The following IQCF1 variants were observed in gnomAD, a reference collection of about 807,000 sequenced individuals.
IQCF1 encodes IQ domain-containing protein F1.
IQCF1 carries 9 observed loss-of-function variants against 12.5 expected under a neutral mutation model. The observed-to-expected ratio is 0.72, with a 90% confidence interval of 0.43 to 1.26. IQCF1 has a LOEUF of 1.26. Among genes scored for constraint, IQCF1 ranks in the 50% most tolerant of loss-of-function variants. IQCF1 has a pLI of 0.00. For synonymous variants in IQCF1, 67 were observed against 96.2 expected (o/e 0.70, Z 1.78); for missense variants, 252 against 257.4 (o/e 0.98, Z 0.14).
chr3:51,896,711 A>ATG, intron 3 of IQCF1, 121 bp downstream of exon 3: 1 of 700,838 alleles, frequency 1.4e-6, no homozygotes, highest in Non-Finnish European at 2.6e-6. Flanking sequence ...ACACACACAC[A>ATG]CGCACACACA....
chr3:51,902,302 A>T (rs552581512), intron 2 of IQCF1, among the ~76,000 whole-genome samples: 1 of 152,366 alleles, frequency 6.6e-6, no homozygotes, highest in African/African-American at 2.4e-5. Context: ...AAAATCAAGC[A>T]GAACATCTAA....
At chr3:51,897,691 A>G (rs1396002570) in intron 2 of IQCF1, among the ~76,000 whole-genome samples, 1 of 152,226 alleles carries the variant, frequency 6.6e-6, no homozygotes, top group Non-Finnish European at 1.5e-5. Flanking sequence ...GGGAGCCGAT[A>G]AAGTACTTCC....
In IQCF1 at chr3:51,903,091, T is replaced by A. The variant is rs1221241213; in HGVS notation, c.4-2A>T. ...CGTCTTTTGGGGCTGCTTCTCCTCC[T>A]GCAATCAGCATTAGGGGAAAGGCAA... On this transcript the variant is annotated splice_acceptor_variant, in intron 1 of 3. Coordinates refer to ENST00000310914, the MANE Select transcript of IQCF1 (RefSeq NM_152397.3). LOFTEE classifies it high-confidence loss of function. 1 of 1,613,824 alleles carries A rather than the reference T, an allele frequency of 6.2e-7. No homozygotes were observed. The highest frequency in any genetic ancestry group is 8.5e-7 in the Non-Finnish European group (1 of 1,179,820).
intron 2 of IQCF1, among the ~76,000 whole-genome samples, chr3:51,898,915 T>G (rs1699044720): frequency 6.6e-6 from 1 of 152,228 alleles, no homozygotes; most frequent in African/African-American, 2.4e-5. Context: ...TGCTCAAACC[T>G]GCAAGCTGTT....
At chr3:51,898,316 TA>T (rs1699035942) in intron 2 of IQCF1, among the ~76,000 whole-genome samples, 1 of 152,128 alleles carries the variant, frequency 6.6e-6, no homozygotes, top group Non-Finnish European at 1.5e-5. Flanking sequence ...CCTCTTCCTT[TA>T]AAAGTCAGGG....
chr3:51,898,630 C>G (rs926471791), intron 2 of IQCF1, among the ~76,000 whole-genome samples: 1 of 149,806 alleles, frequency 6.7e-6, no homozygotes. Flanking sequence ...AAAAAAAAAG[C>G]AAAAAGGTAG....
intron 3 of IQCF1, 120 bp downstream of exon 3, chr3:51,896,712 C>T (rs1048713815): frequency 1.3e-5 from 9 of 713,708 alleles, no homozygotes; most frequent in Non-Finnish European, 2.0e-5. Context: ...CACACACACA[C>T]GCACACACAC....
chr3:51,896,069 T>C (rs1011642898), intron 3 of IQCF1, among the ~76,000 whole-genome samples: 6 of 152,230 alleles, frequency 3.9e-5, no homozygotes, highest in African/African-American at 1.4e-4. Context: ...TCTATTAACA[T>C]AGCTAGATCT....
At chr3:51,902,115 A>G (rs1699081476) in intron 2 of IQCF1, among the ~76,000 whole-genome samples, 1 of 152,244 alleles carries the variant, frequency 6.6e-6, no homozygotes, top group African/African-American at 2.4e-5. Flanking sequence ...TAAATGGAAA[A>G]GAATTATAGC....
Position 51,895,397 on chromosome 3 carries a change from G to A in IQCF1, c.172-61C>T, listed in dbSNP as rs1019762695. On this transcript the variant is annotated intron_variant, in intron 3 of 3. Transcript: ENST00000310914. The surrounding 1 kb of genome is among the most constrained non-coding windows in gnomAD (Gnocchi z 4.8). ...TCCCCACTGGCTTCAGCTCTGGGGT[G>A]TGCCAGGAAAGGCCCTGATTCCCTA... The A allele has an allele frequency of 4.9e-5, 71 of 1,460,428 alleles. No individual in the cohort carries two copies. Among genetic ancestry groups the A allele is most frequent in the African/African-American group, 7.1e-5 (5 of 70,750 alleles). 90.5% of individuals were successfully genotyped at this position (1,460,428 alleles called of 1,614,324 possible).
chr3:51,898,022 A>G (rs1699031784), intron 2 of IQCF1, among the ~76,000 whole-genome samples: 1 of 152,204 alleles, frequency 6.6e-6, no homozygotes, highest in African/African-American at 2.4e-5. Context: ...AACCTCCAGT[A>G]GTAAGAAAAA....
rs779561048 is a variant in IQCF1 at position 51,895,039 on chromosome 3, A to C, written c.469T>G (p.Tyr157Asp). The C allele has an allele frequency of 1.9e-6, 3 of 1,614,134 alleles. No individual in the cohort carries two copies. Among genetic ancestry groups the C allele is most frequent in the Non-Finnish European group, 2.5e-6 (3 of 1,180,048 alleles). ...VLNAVRIIQA[Y>D]WRCRSCASRG... The stretch of plus-strand genomic sequence containing the variant: ...GAAGCACAGGAGCGGCACCTCCAGT[A>C]AGCCTGGATGATGCGAACAGCATTG... The change falls in exon 4 of 4, where the codon TAC becomes GAC. Residue 157 changes from tyrosine (Y) to aspartate (D), a missense_variant. Coordinates refer to ENST00000310914, the MANE Select transcript of IQCF1 (RefSeq NM_152397.3). The surrounding 1 kb of genome is among the most constrained non-coding windows in gnomAD (Gnocchi z 4.8).
At chr3:51,896,988 T>C (rs1699012192) in intron 2 of IQCF1, 94 bp from the exon 3 acceptor site, 4 of 982,926 alleles carry the variant, frequency 4.1e-6, no homozygotes, top group Non-Finnish European at 6.6e-6. Flanking sequence ...TAAATTTCTC[T>C]TCAAAGAATC....
Position 51,900,554 on chromosome 3 carries a change from G to A in IQCF1, c.108+2431C>T, listed in dbSNP as rs1178273100. Among the ~76,000 whole-genome samples, 1 of 152,118 alleles carries A rather than the reference G, an allele frequency of 6.6e-6. No individual in the cohort carries two copies. The highest frequency in any genetic ancestry group is 1.5e-5 in the Non-Finnish European group (1 of 68,032). ...TCCCTCCTGACTCTCCTCAGACTGGGTATTAGTGAATTGGGACCATTTAAT... is the reference window on the plus strand; with the variant it reads ...TCCCTCCTGACTCTCCTCAGACTGGATATTAGTGAATTGGGACCATTTAAT... On this transcript the variant is annotated intron_variant, in intron 2 of 3. Transcript: ENST00000310914. The surrounding 1 kb of genome is among the most constrained non-coding windows in gnomAD (Gnocchi z 4.2).
Position 51,895,263 on chromosome 3 carries a change from G to A in IQCF1, c.245C>T (p.Thr82Ile). 3 of 1,614,112 alleles carry A rather than the reference G, an allele frequency of 1.9e-6. No individual in the cohort carries two copies. The highest frequency in any genetic ancestry group is 1.3e-5 in the African/African-American group (1 of 75,038). Reference sequence around the variant, plus strand: ...GTGCAACAGTGCCCGACGCACCAGGGTGCCCCGCCACCAGGCCTGGATCTT... The same window carrying A: ...GTGCAACAGTGCCCGACGCACCAGGATGCCCCGCCACCAGGCCTGGATCTT... ...ATKIQAWWRGTLVRRALLHAA... is the reference protein window; with the variant it reads ...ATKIQAWWRGILVRRALLHAA... Residue 82 changes from threonine (T) to isoleucine (I), a missense_variant, in exon 4 of 4, where the codon ACC (threonine) becomes ATC (isoleucine). Physicochemically the swap from Thr to Ile is moderately conservative, Grantham distance 89 (BLOSUM62 -1). Coordinates refer to ENST00000310914, the MANE Select transcript of IQCF1 (RefSeq NM_152397.3). This position sits in a 1 kb window ranked among gnomAD's most constrained non-coding sequence, Gnocchi z 4.8.
At position 51,896,847 on chromosome 3, in the gene IQCF1, AT is replaced by A; in HGVS notation, c.155del (p.Asn52MetfsTer20). 6.2e-7 allele frequency: 1 copy of A among 1,612,858 alleles called. No individual in the cohort carries two copies. The highest frequency in any genetic ancestry group is 8.5e-7 in the Non-Finnish European group (1 of 1,178,974). On this transcript the variant is annotated frameshift_variant, in exon 3 of 4. Coordinates refer to ENST00000310914, the MANE Select transcript of IQCF1 (RefSeq NM_152397.3). LOFTEE classifies it low-confidence loss of function (END_TRUNC). ...GAGGTCATACTTTTTCTGATTTCTC[AT>A]TGGCATTGTCCACTGTCTGTGTCTC... The part of the protein sequence containing the change: ...LVETQTVDNA[N>X]EKSEKPPENQ...
At chr3:51,899,663 A>G (rs1195033042) in intron 2 of IQCF1, among the ~76,000 whole-genome samples, 2 of 152,244 alleles carry the variant, frequency 1.3e-5, no homozygotes, top group Non-Finnish European at 2.9e-5. Flanking sequence ...ACTGGACATT[A>G]AAATAAAAGC....
chr3:51,903,112 G>C lies in IQCF1; in HGVS notation c.4-23C>G. On this transcript the variant is annotated intron_variant, in intron 1 of 3. Transcript: ENST00000310914. ...CTCCTGCAATCAGCATTAGGGGAAAGGCAAGAGTGAGGCTGCGGTCCCTCC... is the reference window on the plus strand; with the variant it reads ...CTCCTGCAATCAGCATTAGGGGAAACGCAAGAGTGAGGCTGCGGTCCCTCC... 3 of 1,611,374 alleles carry C rather than the reference G, an allele frequency of 1.9e-6. No homozygotes were observed. In the Middle Eastern group the frequency reaches 5.0e-4, roughly 266 times the overall value.
intron 2 of IQCF1, among the ~76,000 whole-genome samples, chr3:51,898,022 AGT>A (rs1699031812): frequency 6.6e-6 from 1 of 152,204 alleles, no homozygotes; most frequent in East Asian, 1.9e-4. Flanking sequence ...AACCTCCAGT[AGT>A]AAGAAAAATA....
Sources: gnomAD v4.1 joint callset for allele counts (sites outside exome capture counted in the v4.1 genomes callset) on GRCh38, gnomAD v4.1.1 for gene constraint, Gnocchi (gnomAD v3.1) non-coding constraint, MANE v1.5 for transcripts, NCBI Gene and HGNC (gene_info 2026-07-23, HGNC 2026-07-21) for gene names.